ANTXR1: variants seen among roughly 807,000 people sequenced by gnomAD.
ANTXR1 encodes ANTXR cell adhesion molecule 1, also known as anthrax toxin receptor 1.
Under a neutral mutation model 78.1 loss-of-function variants are expected in ANTXR1, and 19 were observed. That is an observed-to-expected ratio of 0.24 (90% CI 0.17 to 0.36). ANTXR1 has a LOEUF of 0.36. Ranked by LOEUF, ANTXR1 falls within the 10% of genes least tolerant of loss-of-function variation. The probability of loss-of-function intolerance (pLI) is 1.00; values close to 1 mark genes in which losing one functional copy is unlikely to be tolerated. For synonymous variants in ANTXR1, 273 were observed against 260.5 expected, an observed-to-expected ratio of 1.05 and a Z score of -0.46; for missense variants, 518 against 718.6, an observed-to-expected ratio of 0.72 and a Z score of 3.19.
chr2:69,216,345 T>C (rs1675174187), intron 17 of ANTXR1, among the ~76,000 whole-genome samples: 1 of 152,210 alleles, frequency 6.6e-6, no homozygotes, highest in Admixed American at 6.5e-5. Flanking sequence ...AGGTGGGTTC[T>C]AGATGTTTGG....
chr2:69,142,538 C>T (rs1673097510), intron 12 of ANTXR1, among the ~76,000 whole-genome samples: 1 of 152,186 alleles, frequency 6.6e-6, no homozygotes, highest in Admixed American at 6.5e-5. Flanking sequence ...ATTTACTGGT[C>T]TCTGTTTCCC....
intron 12 of ANTXR1, among the ~76,000 whole-genome samples, chr2:69,130,707 T>G (rs78705119): frequency 0.071 from 10,775 of 152,264 alleles, 411 homozygotes; most frequent in Middle Eastern, 0.082. Flanking sequence ...GACCTAACTT[T>G]CCTTGCCAAG....
intron 8 of ANTXR1, among the ~76,000 whole-genome samples, chr2:69,083,341 T>C (rs1670952333): frequency 1.3e-5 from 2 of 152,220 alleles, no homozygotes; most frequent in African/African-American, 2.4e-5. Context: ...GCTCTTCTCA[T>C]AAATCAGGCT....
intron 12 of ANTXR1, among the ~76,000 whole-genome samples, chr2:69,147,842 C>T (rs1271894641): frequency 2.0e-5 from 3 of 152,176 alleles, no homozygotes; most frequent in Non-Finnish European, 4.4e-5. Context: ...AAGGGGGTAA[C>T]AGTTCCTACA....
chr2:69,194,001 G>C (rs1294085628), intron 17 of ANTXR1, among the ~76,000 whole-genome samples: 2 of 152,244 alleles, frequency 1.3e-5, no homozygotes, highest in Non-Finnish European at 2.9e-5. Flanking sequence ...CTAGTCAAGA[G>C]CAGTCCTGAA....
intron 3 of ANTXR1, among the ~76,000 whole-genome samples, chr2:69,051,553 A>G (rs1669934662): frequency 6.6e-6 from 1 of 151,926 alleles, no homozygotes; most frequent in Non-Finnish European, 1.5e-5. Flanking sequence ...TATAATTTCT[A>G]TTTTTTAGTT....
At chr2:69,063,162 G>A (rs979995342) in intron 3 of ANTXR1, among the ~76,000 whole-genome samples, 5 of 151,938 alleles carry the variant, frequency 3.3e-5, no homozygotes, top group Admixed American at 1.3e-4. Context: ...AATACCAAAC[G>A]TGATCCACAC....
At chr2:69,191,000 G>A (rs547327112) in intron 16 of ANTXR1, among the ~76,000 whole-genome samples, 56 of 152,054 alleles carry the variant, frequency 3.7e-4, no homozygotes, top group African/African-American at 1.9e-4. Flanking sequence ...TTCTGAAAAC[G>A]AAGGGGAAAG....
intron 8 of ANTXR1, among the ~76,000 whole-genome samples, chr2:69,084,291 A>G (rs10198405): frequency 0.11 from 16,951 of 152,200 alleles, 1,044 homozygotes; most frequent in East Asian, 0.22. Flanking sequence ...TGGGGAAACA[A>G]ATGAATTTCC....
intron 5 of ANTXR1, among the ~76,000 whole-genome samples, chr2:69,072,734 A>G (rs911675571): frequency 6.6e-6 from 1 of 152,226 alleles, no homozygotes; most frequent in Non-Finnish European, 1.5e-5. Flanking sequence ...CACTTGATTC[A>G]CCGGTGCTAC....
intron 17 of ANTXR1, among the ~76,000 whole-genome samples, chr2:69,244,908 C>T (rs1032243429): frequency 1.3e-5 from 2 of 152,098 alleles, no homozygotes; most frequent in Non-Finnish European, 1.5e-5. Context: ...TAATAATACC[C>T]GGTTAGCAGG....
At chr2:69,024,661 C>A (rs1199101267) in intron 1 of ANTXR1, among the ~76,000 whole-genome samples, 3 of 152,150 alleles carry the variant, frequency 2.0e-5, no homozygotes, top group African/African-American at 7.2e-5. Flanking sequence ...ATAAGTCCAG[C>A]TGCTTAAGCC....
At chr2:69,138,737 A>G (rs1336099910) in intron 12 of ANTXR1, among the ~76,000 whole-genome samples, 1 of 152,206 alleles carries the variant, frequency 6.6e-6, no homozygotes, top group Non-Finnish European at 1.5e-5. Context: ...AGTGGGCTTC[A>G]TGTTTTGTTT....
rs1423491182 is a variant in ANTXR1 at position 69,033,141 on chromosome 2, G to A, written c.153-6903G>A. On this transcript the variant is annotated intron_variant, in intron 1 of 17. Coordinates refer to ENST00000303714, the MANE Select transcript of ANTXR1 (RefSeq NM_032208.3). ...GAGTGGGGCCAGGCACCCTGTCCTG[G>A]GGTCTCTGTGACACAGACAGGAGCA... Among the ~76,000 whole-genome samples the A allele has an allele frequency of 2.0e-5, 3 of 152,156 alleles. No individual in the cohort carries two copies. In the East Asian group the frequency reaches 5.8e-4, roughly 29 times the overall value.
At chr2:69,048,135 T>C (rs547239368) in intron 3 of ANTXR1, among the ~76,000 whole-genome samples, 161 of 152,264 alleles carry the variant, frequency 1.1e-3, no homozygotes, top group African/African-American at 3.7e-3. Flanking sequence ...GTTCTTACAT[T>C]AATTGAAATA....
At chr2:69,025,091 A>G (rs1025684307) in intron 1 of ANTXR1, among the ~76,000 whole-genome samples, 3 of 152,010 alleles carry the variant, frequency 2.0e-5, no homozygotes, top group Non-Finnish European at 2.9e-5. Flanking sequence ...CCCCAAACTA[A>G]CCCATGCCCT....
At chr2:69,022,943 A>C (rs1046844605) in intron 1 of ANTXR1, among the ~76,000 whole-genome samples, 6 of 152,184 alleles carry the variant, frequency 3.9e-5, no homozygotes, top group Non-Finnish European at 7.4e-5. Context: ...CTGTGTGTAC[A>C]TATACATTTA....
intron 17 of ANTXR1, among the ~76,000 whole-genome samples, chr2:69,200,897 A>G (rs2104485148): frequency 6.6e-6 from 1 of 152,250 alleles, no homozygotes; most frequent in South Asian, 2.1e-4. Flanking sequence ...AGGCTCAGGG[A>G]AAATTACTAA....
At chr2:69,240,382 A>C (rs1295220053) in intron 17 of ANTXR1, among the ~76,000 whole-genome samples, 4 of 152,246 alleles carry the variant, frequency 2.6e-5, no homozygotes, top group Admixed American at 2.6e-4. Flanking sequence ...TCATTGAACA[A>C]ATATTTGTGG....
Sources: gnomAD v4.1 joint callset for allele counts (sites outside exome capture counted in the v4.1 genomes callset) on GRCh38, gnomAD v4.1.1 for gene constraint, MANE v1.5 for transcripts, NCBI Gene and HGNC (gene_info 2026-07-23, HGNC 2026-07-21) for gene names.